The following HCN2 variants were observed in gnomAD, a reference collection of about 807,000 sequenced individuals.
HCN2 encodes the protein potassium/sodium hyperpolarization-activated cyclic nucleotide-gated channel 2.
Under a neutral mutation model 52.3 loss-of-function variants are expected in HCN2, and 20 were observed. The ratio of observed to expected loss-of-function variants is 0.38; its 90% CI spans 0.27 to 0.56. HCN2 has a LOEUF of 0.56. Ranked by LOEUF, HCN2 falls within the 20% of genes least tolerant of loss-of-function variation. HCN2 has a pLI of 0.71. For missense variants in HCN2, 981 were observed against 1,207.7 expected, an observed-to-expected ratio of 0.81 and a Z score of 2.78; for synonymous variants, 694 against 537.0, an observed-to-expected ratio of 1.29 and a Z score of -4.04.
chr19:593,979 C>T (rs1402803978), intron 1 of HCN2, among the ~76,000 whole-genome samples: 1 of 152,216 alleles, frequency 6.6e-6, no homozygotes, highest in African/African-American at 2.4e-5. Flanking sequence ...CCCTTCACCC[C>T]AGCCGCCGCT....
chr19:610,554 C>A (rs1465063626), intron 5 of HCN2, 149 bp downstream of exon 5: 13 of 670,180 alleles, frequency 1.9e-5, no homozygotes, highest in Non-Finnish European at 3.0e-5. Flanking sequence ...ACACCCTCCC[C>A]TCCCCGCCCC....
chr19:614,169 G>A (rs1368084455), intron 7 of HCN2, among the ~76,000 whole-genome samples, 153 bp downstream of exon 7: 1 of 151,840 alleles, frequency 6.6e-6, no homozygotes, highest in African/African-American at 2.4e-5. Context: ...CAAGGCATCA[G>A]GAGTGTGGCC....
chr19:611,305 TGGC>T (rs1321489856), intron 5 of HCN2, among the ~76,000 whole-genome samples: 2 of 152,142 alleles, frequency 1.3e-5, no homozygotes, highest in African/African-American at 4.8e-5. Flanking sequence ...GGCCTAGGGA[TGGC>T]GGCCGTGATC....
intron 5 of HCN2, among the ~76,000 whole-genome samples, chr19:611,063 T>C (rs933350019): frequency 6.6e-6 from 1 of 152,240 alleles, no homozygotes; most frequent in African/African-American, 2.4e-5. Flanking sequence ...TTCTTGTAAA[T>C]TCATCCGTCG....
At chr19:601,078 G>T (rs115746594) in intron 1 of HCN2, among the ~76,000 whole-genome samples, 4,604 of 152,208 alleles carry the variant, frequency 0.03, 220 homozygotes, top group African/African-American at 0.11. Flanking sequence ...ACTTTGCGAG[G>T]CCTAGGCAGA....
intron 1 of HCN2, among the ~76,000 whole-genome samples, chr19:603,190 GGA>G (rs1983271647): frequency 7.5e-6 from 1 of 133,202 alleles, no homozygotes. Flanking sequence ...GGTGCCTGGG[GGA>G]ATGCACCAGC....
rs1982904344 is a variant in HCN2, at chr19:592,500, G to T, written c.632+1923G>T. Among the ~76,000 whole-genome samples the T allele has an allele frequency of 1.3e-5, 2 of 152,192 alleles. No homozygotes were observed. Among genetic ancestry groups the T allele is most frequent in the Admixed American group, 6.5e-5 (1 of 15,290 alleles). On this transcript the variant is annotated intron_variant, in intron 1 of 7. Transcript: ENST00000251287. The surrounding 1 kb of genome is among the most constrained non-coding windows in gnomAD (Gnocchi z 4.8). The stretch of plus-strand genomic sequence containing the variant: ...TGGGCAGGCTGTGGCCCCGCTCTGT[G>T]CTCTGAGGCATAGAGGGCTCAGAGG...
intron 1 of HCN2, among the ~76,000 whole-genome samples, chr19:595,615 C>G (rs545924513): frequency 6.6e-6 from 1 of 152,344 alleles, no homozygotes; most frequent in East Asian, 1.9e-4. Context: ...CTGGGGCTGA[C>G]AGGCCCATCC....
rs1983921375 is a variant in HCN2 at position 616,328 on chromosome 19, A to G, written c.2524A>G (p.Ser842Gly). 4.3e-6 allele frequency: 5 copies of G among 1,173,544 alleles called. No homozygotes were observed. The highest frequency in any genetic ancestry group is 5.3e-6 in the Non-Finnish European group (5 of 941,274). The allele number at this position is 1,173,544 out of a possible 1,614,324, so 72.7% of individuals were successfully genotyped here. A position where few individuals can be genotyped will look rare whatever the true frequency, so the allele number is the denominator to read the frequency against. The change falls in exon 8 of 8, where the codon AGC becomes GGC. Residue 842 changes from serine (S) to glycine (G), a missense_variant. Ser to Gly is a moderately conservative substitution (Grantham distance 56). Transcript: ENST00000251287. ...CCCCGCGGCCTCCACACGCCCGGCC[A>G]GCAGCTCCACACCGCGCTTGGGGCC... ...PGPAASTRPA[S>G]SSTPRLGPTP...
In HCN2 at chr19:608,149, G is replaced by A. The variant is rs377127580; in HGVS notation, c.1404G>A (p.Ser468=). 2.5e-5 allele frequency: 40 copies of A among 1,613,116 alleles called. No individual in the cohort carries two copies. The highest frequency in any genetic ancestry group is 1.2e-4 in the Admixed American group (7 of 60,030). ...FIGHATALIQ[S]LDSSRRQYQE... ...GCCACGCCACTGCCCTCATCCAGTC[G>A]CTGGACTCCTCGCGGCGCCAGTACC... The change falls in exon 4 of 8, where the codon TCG becomes TCA. Residue 468 remains serine (S), a synonymous_variant. Coordinates refer to ENST00000251287, the MANE Select transcript of HCN2 (RefSeq NM_001194.4).
chr19:601,670 A>G (rs976471872), intron 1 of HCN2, among the ~76,000 whole-genome samples: 2 of 151,990 alleles, frequency 1.3e-5, no homozygotes, highest in Non-Finnish European at 2.9e-5. Flanking sequence ...GAGGCTGGTA[A>G]TTTTATGTCT....
chr19:616,420 C>A lies in HCN2; in HGVS notation c.2616C>A (p.Ala872=). The change falls in exon 8 of 8, where the codon GCC becomes GCA. Residue 872 remains alanine (A), a synonymous_variant. Coordinates refer to ENST00000251287, the MANE Select transcript of HCN2 (RefSeq NM_001194.4). Reference sequence around the variant, plus strand: ...GGGACTCGGCCTCACCCGGCGCCGCCGGCGGCCTGGACCCCCAGGACTCCG... The same window carrying A: ...GGGACTCGGCCTCACCCGGCGCCGCAGGCGGCCTGGACCCCCAGGACTCCG... ...DRRDSASPGA[A]GGLDPQDSAR... is the part of the protein sequence containing the mutation. 5.6e-6 allele frequency: 7 copies of A among 1,241,576 alleles called. No homozygotes were observed. Among genetic ancestry groups the A allele is most frequent in the Non-Finnish European group, 7.1e-6 (7 of 990,316 alleles). The allele number at this position is 1,241,576 out of a possible 1,614,324, so 76.9% of individuals were successfully genotyped here.
At chr19:606,744 G>A (rs1019132276) in intron 3 of HCN2, among the ~76,000 whole-genome samples, 1 of 149,494 alleles carries the variant, frequency 6.7e-6, no homozygotes, top group African/African-American at 2.5e-5. Flanking sequence ...TCCAGCTACT[G>A]TAGAGGCTGA....
At chr19:615,722 A>G (rs1983872444) in intron 7 of HCN2, 73 bp from the exon 8 acceptor site, 2 of 1,489,648 alleles carry the variant, frequency 1.3e-6, no homozygotes, top group Non-Finnish European at 1.9e-6. Context: ...CCCGCGGTGC[A>G]GAGTAGGTGC....
At chr19:603,194 T>G (rs11881589) in intron 1 of HCN2, among the ~76,000 whole-genome samples, 6,404 of 27,574 alleles carry the variant, frequency 0.23, 798 homozygotes, top group South Asian at 0.43. Context: ...CCTGGGGGAA[T>G]GCACCAGCCT....
chr19:614,661 C>T (rs567617913), intron 7 of HCN2, among the ~76,000 whole-genome samples: 1 of 152,146 alleles, frequency 6.6e-6, no homozygotes, highest in Non-Finnish European at 1.5e-5. Context: ...GGAGGCCAGA[C>T]ACACAGGGCC....
chr19:615,794 G>A lies in HCN2; in HGVS notation c.1991-1G>A, dbSNP rs1983878086. On this transcript the variant is annotated splice_acceptor_variant, in intron 7 of 7. Coordinates refer to ENST00000251287, the MANE Select transcript of HCN2 (RefSeq NM_001194.4). LOFTEE classifies it high-confidence loss of function. ...ACACGCTAACGCCCCCTCTCCCGCA[G>A]GCAAGAAGAATTCCATCCTCCTGCA... 1 of 1,611,122 alleles carries A rather than the reference G, an allele frequency of 6.2e-7. No homozygotes were observed. The highest frequency in any genetic ancestry group is 8.5e-7 in the Non-Finnish European group (1 of 1,179,574).
At chr19:593,732 G>A (rs1353411305) in intron 1 of HCN2, among the ~76,000 whole-genome samples, 1 of 152,208 alleles carries the variant, frequency 6.6e-6, no homozygotes, top group Non-Finnish European at 1.5e-5. Flanking sequence ...GGCATGCTGG[G>A]CGCTTCCCTG....
intron 1 of HCN2, among the ~76,000 whole-genome samples, chr19:600,359 T>C (rs1983164340): frequency 6.6e-6 from 1 of 151,918 alleles, no homozygotes; most frequent in Non-Finnish European, 1.5e-5. Context: ...TATTATTTTT[T>C]GAGATGGGGT....
Sources: gnomAD v4.1 joint callset for allele counts (sites outside exome capture counted in the v4.1 genomes callset) on GRCh38, gnomAD v4.1.1 for gene constraint, Gnocchi (gnomAD v3.1) non-coding constraint, MANE v1.5 for transcripts, NCBI Gene and HGNC (gene_info 2026-07-23, HGNC 2026-07-21) for gene names.